The following KCNQ1OT1 variants were observed in gnomAD, a reference collection of about 807,000 sequenced individuals.
KCNQ1OT1 encodes the protein KCNQ1 opposite strand/antisense transcript 1.
chr11:2,685,697 G>A (rs185453823), exon 1 of KCNQ1OT1: 445 of 398,644 alleles, frequency 1.1e-3, no homozygotes, highest in African/African-American at 7.6e-3. Flanking sequence ...TCAGGCCTTC[G>A]GTCTGGGACC....
exon 1 of KCNQ1OT1, chr11:2,630,492 CA>C (rs1414642440): frequency 5.0e-6 from 2 of 398,298 alleles, no homozygotes; most frequent in African/African-American, 4.1e-5. Context: ...TCCCCCGCTA[CA>C]TTTTATTTTT....
Position 2,663,401 on chromosome 11 carries a change from A to T in KCNQ1OT1, n.36594T>A. On this transcript the variant is annotated non_coding_transcript_exon_variant, in exon 1 of 1. Coordinates refer to ENST00000597346, the Ensembl canonical transcript of KCNQ1OT1. The surrounding 1 kb of genome is among the most constrained non-coding windows in gnomAD (Gnocchi z 5.2). ...GCACCAGAAGGCAGAATGATGGCTT[A>T]CACTGTGGCCAAGGCCTGTACCAAG... 1 of 398,918 alleles carries T rather than the reference A, an allele frequency of 2.5e-6. No homozygotes were observed. Among genetic ancestry groups the T allele is most frequent in the Non-Finnish European group, 4.4e-6 (1 of 226,278 alleles). The allele number at this position is 398,918 out of a possible 1,614,324, so 24.7% of individuals were successfully genotyped here. A position where few individuals can be genotyped will look rare whatever the true frequency, so the allele number is the denominator to read the frequency against.
At position 2,647,385 on chromosome 11, in the gene KCNQ1OT1, G is replaced by A; in HGVS notation, n.52610C>T. ...GATTGGATTCAGATTGCTAGTTTGT[G>A]TGTCTGTGTGTGTGTTTTGTTTCTG... On this transcript the variant is annotated non_coding_transcript_exon_variant, in exon 1 of 1. Transcript: ENST00000597346. The surrounding 1 kb of genome is among the most constrained non-coding windows in gnomAD (Gnocchi z 4.0). 2.5e-6 allele frequency: 1 copy of A among 398,550 alleles called. No individual in the cohort carries two copies. Among genetic ancestry groups the A allele is most frequent in the Admixed American group, 4.4e-5 (1 of 22,730 alleles). The allele number at this position is 398,550 out of a possible 1,614,324, so 24.7% of individuals were successfully genotyped here.
At chr11:2,646,642 C>A in exon 1 of KCNQ1OT1, 1 of 398,724 alleles carries the variant, frequency 2.5e-6, no homozygotes, top group South Asian at 1.3e-4. Context: ...CCTCCCATCT[C>A]AGCCTCCTGA....
At chr11:2,694,513 C>A (rs1041370233) in exon 1 of KCNQ1OT1, 3 of 398,616 alleles carry the variant, frequency 7.5e-6, no homozygotes, top group East Asian at 3.6e-5. Flanking sequence ...GGCTAAGAAA[C>A]CCTGGTTGCA....
Position 2,626,992 on chromosome 11 carries a change from G to A in KCNQ1OT1, n.73003C>T. The stretch of plus-strand genomic sequence containing the variant: ...TAGGATTTTTATTGGGATTACCTTG[G>A]ATTTGTAGATTGTTTTGTGTGGTAC... On this transcript the variant is annotated non_coding_transcript_exon_variant, in exon 1 of 1. Transcript: ENST00000597346. The surrounding 1 kb of genome is among the most constrained non-coding windows in gnomAD (Gnocchi z 4.0). The A allele has an allele frequency of 2.5e-6, 1 of 398,532 alleles. No homozygotes were observed. The allele number at this position is 398,532 out of a possible 1,614,324, so 24.7% of individuals were successfully genotyped here.
chr11:2,658,305 A>G lies in KCNQ1OT1; in HGVS notation n.41690T>C, dbSNP rs778105403. ...ATTTTTTATTTGGAATTCCTTTATA[A>G]GGAAGATTTGTCCCTCTCCTCCAAT... On this transcript the variant is annotated non_coding_transcript_exon_variant, in exon 1 of 1. Coordinates refer to ENST00000597346, the Ensembl canonical transcript of KCNQ1OT1. This position sits in a 1 kb window ranked among gnomAD's most constrained non-coding sequence, Gnocchi z 4.9. The G allele has an allele frequency of 5.9e-4, 236 of 398,500 alleles. No homozygotes were observed. The highest frequency in any genetic ancestry group is 8.7e-4 in the Non-Finnish European group (197 of 226,034). The allele number at this position is 398,500 out of a possible 1,614,324, so 24.7% of individuals were successfully genotyped here. A position where few individuals can be genotyped will look rare whatever the true frequency, so the allele number is the denominator to read the frequency against.
At position 2,621,762 on chromosome 11, in the gene KCNQ1OT1, T is replaced by C; in HGVS notation, n.78233A>G. Reference sequence around the variant, plus strand: ...ATTTTCATTTCTGATTTTGTCCTCTTTCTTAGTCCAAGAGTTTGTTGATTT... The same window carrying C: ...ATTTTCATTTCTGATTTTGTCCTCTCTCTTAGTCCAAGAGTTTGTTGATTT... On this transcript the variant is annotated non_coding_transcript_exon_variant, in exon 1 of 1. Coordinates refer to ENST00000597346, the Ensembl canonical transcript of KCNQ1OT1. This position sits in a 1 kb window ranked among gnomAD's most constrained non-coding sequence, Gnocchi z 5.7. 1 of 398,394 alleles carries C rather than the reference T, an allele frequency of 2.5e-6. No individual in the cohort carries two copies. Among genetic ancestry groups the C allele is most frequent in the Non-Finnish European group, 4.4e-6 (1 of 225,960 alleles). The allele number at this position is 398,394 out of a possible 1,614,324, so 24.7% of individuals were successfully genotyped here. A position where few individuals can be genotyped will look rare whatever the true frequency, so the allele number is the denominator to read the frequency against.
exon 1 of KCNQ1OT1, chr11:2,662,635 G>C (rs566358701): frequency 2.4e-6 from 1 of 409,376 alleles, no homozygotes; most frequent in Non-Finnish European, 4.3e-6. Flanking sequence ...CCCGGTGCCC[G>C]GCCACGGTGT....
rs1037169644 is a variant in KCNQ1OT1 at position 2,664,538 on chromosome 11, C to T, written n.35457G>A. On this transcript the variant is annotated non_coding_transcript_exon_variant, in exon 1 of 1. Transcript: ENST00000597346. This position sits in a 1 kb window ranked among gnomAD's most constrained non-coding sequence, Gnocchi z 5.1. ...TTTCCTCAGGGCCCAAACCGCCTGG[C>T]GGCAGGGGTGTGGGGGCCGTGCAGG... 5.5e-5 allele frequency: 22 copies of T among 398,734 alleles called. No individual in the cohort carries two copies. The highest frequency in any genetic ancestry group is 6.3e-4 in the Middle Eastern group (1 of 1,588). The allele number at this position is 398,734 out of a possible 1,614,324, so 24.7% of individuals were successfully genotyped here. A position where few individuals can be genotyped will look rare whatever the true frequency, so the allele number is the denominator to read the frequency against.
exon 1 of KCNQ1OT1, chr11:2,648,340 G>A: frequency 2.5e-6 from 1 of 398,316 alleles, no homozygotes; most frequent in Non-Finnish European, 4.4e-6. Context: ...TGCTTTTCTA[G>A]TTCCTTGAGA....
At chr11:2,619,233 T>C (rs1041543282) in exon 1 of KCNQ1OT1, 12 of 398,398 alleles carry the variant, frequency 3.0e-5, no homozygotes, top group Non-Finnish European at 4.9e-5. Context: ...GTAGCTAGAG[T>C]GGGCATCCTT....
At position 2,682,701 on chromosome 11, in the gene KCNQ1OT1, CA is replaced by C. The variant is rs1850419553; in HGVS notation, n.17293del. 3.5e-5 allele frequency: 14 copies of C among 398,572 alleles called. No homozygotes were observed. In the Middle Eastern group the frequency reaches 1.9e-3, roughly 54 times the overall value. 24.7% of individuals were successfully genotyped at this position (398,572 alleles called of 1,614,324 possible). A position where few individuals can be genotyped will look rare whatever the true frequency, so the allele number is the denominator to read the frequency against. Reference sequence around the variant, plus strand: ...ATAGAAGCTGGGGTCCAAAGTTGACCAGAATATCTCTAGTCATAAAGAATCT... The same window carrying C: ...ATAGAAGCTGGGGTCCAAAGTTGACCGAATATCTCTAGTCATAAAGAATCT... On this transcript the variant is annotated non_coding_transcript_exon_variant, in exon 1 of 1. Transcript: ENST00000597346. The surrounding 1 kb of genome is among the most constrained non-coding windows in gnomAD (Gnocchi z 5.8).
chr11:2,661,063 G>C lies in KCNQ1OT1; in HGVS notation n.38932C>G, dbSNP rs755162125. ...CTTATGTTACAGAGTGACAGGAACA[G>C]AGTCACAGTGACATCCCATGTGCAT... On this transcript the variant is annotated non_coding_transcript_exon_variant, in exon 1 of 1. Transcript: ENST00000597346. The surrounding 1 kb of genome is among the most constrained non-coding windows in gnomAD (Gnocchi z 5.9). The C allele has an allele frequency of 5.5e-5, 22 of 398,332 alleles. No individual in the cohort carries two copies. Among genetic ancestry groups the C allele is most frequent in the Non-Finnish European group, 8.4e-5 (19 of 226,062 alleles). 24.7% of individuals were successfully genotyped at this position (398,332 alleles called of 1,614,324 possible).
exon 1 of KCNQ1OT1, chr11:2,648,662 A>C (rs1849704581): frequency 5.0e-6 from 2 of 398,420 alleles, no homozygotes; most frequent in Non-Finnish European, 8.8e-6. Context: ...GACTTTTAAA[A>C]ATTTATTGAG....
At chr11:2,697,764 TTAGC>T (rs1398153056) in exon 1 of KCNQ1OT1, 2 of 398,524 alleles carry the variant, frequency 5.0e-6, no homozygotes, top group Non-Finnish European at 8.8e-6. Flanking sequence ...TTGGATTCAG[TTAGC>T]TAGCATTGTA....
At chr11:2,619,662 A>AG (rs1849130494) in exon 1 of KCNQ1OT1, 1 of 395,812 alleles carries the variant, frequency 2.5e-6, no homozygotes, top group Non-Finnish European at 4.4e-6. Context: ...CTGGGTATCA[A>AG]GGTGATGCTG....
At chr11:2,615,287 T>A (rs1260233419) in exon 1 of KCNQ1OT1, 2 of 398,010 alleles carry the variant, frequency 5.0e-6, no homozygotes, top group Admixed American at 8.8e-5. Context: ...GTTTATTAGC[T>A]CTACTAGTTT....
At position 2,627,425 on chromosome 11, in the gene KCNQ1OT1, C is replaced by G. The variant is rs950314229; in HGVS notation, n.72570G>C. On this transcript the variant is annotated non_coding_transcript_exon_variant, in exon 1 of 1. Coordinates refer to ENST00000597346, the Ensembl canonical transcript of KCNQ1OT1. This position sits in a 1 kb window ranked among gnomAD's most constrained non-coding sequence, Gnocchi z 4.9. ...TCAAGAACTTATTCATCTGATAACT[C>G]TATGTTTGTACCCTTCAACATTTCC... 5 of 398,398 alleles carry G rather than the reference C, an allele frequency of 1.3e-5. No individual in the cohort carries two copies. The highest frequency in any genetic ancestry group is 2.5e-4 in the South Asian group (2 of 7,854). 24.7% of individuals were successfully genotyped at this position (398,398 alleles called of 1,614,324 possible).
Sources: allele counts gnomAD v4.1 joint callset, GRCh38; gene constraint gnomAD v4.1.1; non-coding constraint Gnocchi (gnomAD v3.1); transcripts MANE v1.5; gene names NCBI Gene and HGNC (gene_info 2026-07-23, HGNC 2026-07-21).